Variants in GABRB3 observed in about 807,000 individuals in gnomAD.
The protein encoded by GABRB3 is gamma-aminobutyric acid receptor subunit beta-3.
Under a neutral mutation model 52.1 loss-of-function variants are expected in GABRB3, and 14 were observed. That is an observed-to-expected ratio of 0.27 (90% CI 0.18 to 0.42). The LOEUF (loss-of-function observed/expected upper bound fraction) is 0.42, where lower values mean the gene tolerates loss of function less well. Among genes scored for constraint, GABRB3 ranks in the 10% least tolerant of loss-of-function variants. The pLI, the probability that GABRB3 is intolerant of heterozygous loss-of-function variation, is 1.00. For synonymous variants in GABRB3, 260 were observed against 232.3 expected (o/e 1.12, Z -1.08); for missense variants, 307 against 609.1 (o/e 0.50, Z 5.22).
intron 3 of GABRB3, among the ~76,000 whole-genome samples, chr15:26,737,540 AAAG>A (rs1455961952): frequency 2.0e-5 from 3 of 152,186 alleles, no homozygotes; most frequent in Non-Finnish European, 2.9e-5. Flanking sequence ...GAAAAATAAT[AAAG>A]AAGTACACAG....
rs1566834491 is a variant in GABRB3, at chr15:26,764,174, AAAAAAATATATATATATATATATATAT to A, written c.240+8201_240+8227del. Among the ~76,000 whole-genome samples the A allele has an allele frequency of 2.6e-3, 34 of 13,050 alleles. 6 individuals are homozygous for A. Among genetic ancestry groups the A allele is most frequent in the East Asian group, 3.3e-3 (1 of 306 alleles). 8.6% of individuals were successfully genotyped at this position (13,050 alleles called of 152,430 possible). On this transcript the variant is annotated intron_variant, in intron 3 of 8. Coordinates refer to ENST00000311550, the MANE Select transcript of GABRB3 (RefSeq NM_000814.6). ...CAAAAAAAAAAAAAAAAAAAAAAAAAAAAAAATATATATATATATATATATATATATATATATATATATATATATATA... is the reference window on the plus strand; with the variant it reads ...CAAAAAAAAAAAAAAAAAAAAAAAAAATATATATATATATATATATATATA...
chr15:26,544,091 T>C lies in GABRB3; in HGVS notation c.*3702A>G, dbSNP rs1298910822. On this transcript the variant is annotated 3_prime_UTR_variant, in exon 9 of 9. Transcript: ENST00000311550. ...AGTCAATTCCAAGAGTAACAAAATG[T>C]TTCACCAATTGTTCAGTTTTGCTTA... The C allele has an allele frequency of 6.6e-6, 1 of 152,482 alleles. No homozygotes were observed. Among genetic ancestry groups the C allele is most frequent in the Non-Finnish European group, 1.5e-5 (1 of 68,038 alleles). 9.4% of individuals were successfully genotyped at this position (152,482 alleles called of 1,614,324 possible).
At chr15:26,586,112 C>T (rs906093592) in intron 4 of GABRB3, among the ~76,000 whole-genome samples, 4 of 152,036 alleles carry the variant, frequency 2.6e-5, no homozygotes, top group Non-Finnish European at 4.4e-5. Context: ...CATTCTCCTG[C>T]CTCAGCCTCC....
In GABRB3 at chr15:26,546,238, C is replaced by G. The variant is rs759418898; in HGVS notation, c.*1555G>C. 1.3e-5 allele frequency: 2 copies of G among 152,510 alleles called. No individual in the cohort carries two copies. Among genetic ancestry groups the G allele is most frequent in the African/African-American group, 4.8e-5 (2 of 41,408 alleles). The allele number at this position is 152,510 out of a possible 1,614,324, so 9.4% of individuals were successfully genotyped here. On this transcript the variant is annotated 3_prime_UTR_variant, in exon 9 of 9. Transcript: ENST00000311550. ...AACTTCACTGTGACACCTGTTTGCA[C>G]AACTGTAGTCATTTCAGTTTATGGA...
intron 3 of GABRB3, among the ~76,000 whole-genome samples, chr15:26,674,785 G>C (rs1888017158): frequency 6.6e-6 from 1 of 152,106 alleles, no homozygotes; most frequent in African/African-American, 2.4e-5. Context: ...GCAAAATTAT[G>C]GGAAAGGATT....
At chr15:26,734,417 G>A (rs937183504) in intron 3 of GABRB3, among the ~76,000 whole-genome samples, 2 of 151,976 alleles carry the variant, frequency 1.3e-5, no homozygotes, top group Admixed American at 6.6e-5. Context: ...TGACATCAAA[G>A]GCACAGGCAA....
chr15:26,659,576 T>C (rs1887477550), intron 3 of GABRB3, among the ~76,000 whole-genome samples: 1 of 152,170 alleles, frequency 6.6e-6, no homozygotes, highest in Non-Finnish European at 1.5e-5. Context: ...ATCATGATGA[T>C]GGCAAATGGA....
chr15:26,631,063 G>A (rs1394630522), intron 3 of GABRB3, among the ~76,000 whole-genome samples: 3 of 152,212 alleles, frequency 2.0e-5, no homozygotes, highest in Non-Finnish European at 4.4e-5. Flanking sequence ...CCGCTGGGAG[G>A]CAAGGAAAGT....
At chr15:26,731,832 C>A (rs745680256) in intron 3 of GABRB3, among the ~76,000 whole-genome samples, 8 of 152,196 alleles carry the variant, frequency 5.3e-5, no homozygotes, top group Non-Finnish European at 1.2e-4. Context: ...ACAAAACAAC[C>A]TTTACCTCTT....
intron 3 of GABRB3, chr15:26,772,080 G>C (rs1207729757): frequency 3.4e-6 from 1 of 292,154 alleles, no homozygotes; most frequent in Non-Finnish European, 6.2e-6. Flanking sequence ...CAGCGCTCGG[G>C]AAACCTCGGG....
intron 7 of GABRB3, among the ~76,000 whole-genome samples, chr15:26,566,973 A>C (rs1890202292): frequency 6.6e-6 from 1 of 152,204 alleles, no homozygotes; most frequent in Admixed American, 6.5e-5. Flanking sequence ...GTTTCATATT[A>C]ATCAGCTGAA....
intron 3 of GABRB3, among the ~76,000 whole-genome samples, chr15:26,761,158 G>A (rs1483308916): frequency 6.6e-6 from 1 of 152,166 alleles, no homozygotes; most frequent in East Asian, 1.9e-4. Flanking sequence ...ACTTTGGGAG[G>A]CCAAGGCAGG....
chr15:26,582,186 C>G (rs1452089067), intron 5 of GABRB3, among the ~76,000 whole-genome samples: 2 of 152,200 alleles, frequency 1.3e-5, no homozygotes, highest in African/African-American at 4.8e-5. Flanking sequence ...TCCTGCTCAT[C>G]ATACACCACT....
At chr15:26,587,026 T>C (rs1189587602) in intron 4 of GABRB3, among the ~76,000 whole-genome samples, 1 of 152,204 alleles carries the variant, frequency 6.6e-6, no homozygotes, top group East Asian at 1.9e-4. Flanking sequence ...TTCAAATTGC[T>C]AAGTAAACTT....
intron 3 of GABRB3, among the ~76,000 whole-genome samples, chr15:26,758,054 TCA>T (rs1192805014): frequency 6.6e-6 from 1 of 152,048 alleles, no homozygotes; most frequent in African/African-American, 2.4e-5. Context: ...GTTGTTGTTT[TCA>T]CAGTTTCCTT....
chr15:26,727,662 G>A (rs1889808941), intron 3 of GABRB3, among the ~76,000 whole-genome samples: 1 of 152,188 alleles, frequency 6.6e-6, no homozygotes, highest in Non-Finnish European at 1.5e-5. Flanking sequence ...ATGCTCAAAT[G>A]ACACTGCTTC....
intron 4 of GABRB3, among the ~76,000 whole-genome samples, chr15:26,583,813 C>T (rs6576584): frequency 0.17 from 25,120 of 145,086 alleles, 2,188 homozygotes; most frequent in African/African-American, 0.23. Context: ...CTTGCTCTGT[C>T]GCCCAGGCTG....
intron 3 of GABRB3, among the ~76,000 whole-genome samples, chr15:26,728,398 C>T (rs779003319): frequency 5.3e-5 from 8 of 152,260 alleles, no homozygotes; most frequent in South Asian, 4.2e-4. Flanking sequence ...CAGTCCAGCA[C>T]GCACAGAGTC....
intron 3 of GABRB3, among the ~76,000 whole-genome samples, chr15:26,713,671 G>A (rs1256649380): frequency 6.6e-6 from 1 of 152,216 alleles, no homozygotes; most frequent in East Asian, 1.9e-4. Flanking sequence ...GAGAACTGGT[G>A]GCCGCAACAC....
Sources: allele counts gnomAD v4.1 joint callset (sites outside exome capture counted in the v4.1 genomes callset), GRCh38; gene constraint gnomAD v4.1.1; transcripts MANE v1.5; gene names NCBI Gene and HGNC (gene_info 2026-07-23, HGNC 2026-07-21).